The following CSMD1 variants were observed in gnomAD, a reference collection of about 807,000 sequenced individuals.
CSMD1 encodes CUB and sushi domain-containing protein 1.
CSMD1 carries 213 observed loss-of-function variants against 417.5 expected under a neutral mutation model. The observed-to-expected ratio is 0.51, with a 90% CI of 0.46 to 0.57. CSMD1 has a LOEUF of 0.57. CSMD1 is among the 20% of genes least tolerant of loss of function. The pLI, the probability that CSMD1 is intolerant of heterozygous loss-of-function variation, is 0.00. For missense variants in CSMD1, 6,923 were observed against 4,529.7 expected (o/e 1.53, Z -15.17); for synonymous variants, 2,862 against 1,736.8 (o/e 1.65, Z -16.11).
At chr8:3,976,177 G>C (rs183451537) in intron 5 of CSMD1, among the ~76,000 whole-genome samples, 32 of 151,786 alleles carry the variant, frequency 2.1e-4, no homozygotes, top group African/African-American at 5.6e-4. Flanking sequence ...TCAAATACGA[G>C]ATAACTTATG....
chr8:3,655,453 C>T (rs531582616), intron 7 of CSMD1, among the ~76,000 whole-genome samples: 1 of 152,154 alleles, frequency 6.6e-6, no homozygotes, highest in Admixed American at 6.5e-5. Flanking sequence ...CATTACTCTA[C>T]ATAATTATAA....
intron 46 of CSMD1, among the ~76,000 whole-genome samples, chr8:3,100,453 T>C (rs1384972265): frequency 6.6e-6 from 1 of 152,188 alleles, no homozygotes; most frequent in Non-Finnish European, 1.5e-5. Flanking sequence ...CAATACTCAG[T>C]TGGAGTGGGA....
At chr8:4,188,806 TG>T (rs33935835) in intron 3 of CSMD1, among the ~76,000 whole-genome samples, 127,389 of 151,394 alleles carry the variant, frequency 0.84, 53,707 homozygotes, top group South Asian at 0.9. Flanking sequence ...ATGAATATTA[TG>T]GGGGAGGATG....
chr8:3,174,964 T>C (rs551439246), intron 37 of CSMD1, among the ~76,000 whole-genome samples: 1 of 152,330 alleles, frequency 6.6e-6, no homozygotes, highest in East Asian at 1.9e-4. Context: ...TTTTTCACTA[T>C]ATAGCTAACT....
At chr8:3,758,013 G>C (rs113515036) in intron 5 of CSMD1, among the ~76,000 whole-genome samples, 6,412 of 152,016 alleles carry the variant, frequency 0.042, 171 homozygotes, top group African/African-American at 0.063. Flanking sequence ...ACCCAGGCTG[G>C]ACTGCACTGG....
At chr8:3,819,775 G>A (rs1375182795) in intron 5 of CSMD1, among the ~76,000 whole-genome samples, 2 of 152,186 alleles carry the variant, frequency 1.3e-5, no homozygotes, top group Admixed American at 6.5e-5. Context: ...ATTATATAGA[G>A]ATGTAAGCAA....
intron 5 of CSMD1, among the ~76,000 whole-genome samples, chr8:3,962,158 T>C (rs940883363): frequency 6.6e-6 from 1 of 152,122 alleles, no homozygotes; most frequent in Non-Finnish European, 1.5e-5. Flanking sequence ...ACCTACTTCA[T>C]AGACCTGCTC....
intron 6 of CSMD1, among the ~76,000 whole-genome samples, chr8:3,725,388 C>T (rs1284086151): frequency 6.6e-6 from 1 of 152,172 alleles, no homozygotes; most frequent in African/African-American, 2.4e-5. Context: ...CCAGGATAGA[C>T]ATCACTTGAA....
At chr8:3,215,471 C>T (rs1466528678) in intron 29 of CSMD1, among the ~76,000 whole-genome samples, 1 of 152,110 alleles carries the variant, frequency 6.6e-6, no homozygotes, top group East Asian at 1.9e-4. Context: ...GACACCTCTG[C>T]CAGGAAAGGA....
intron 3 of CSMD1, among the ~76,000 whole-genome samples, chr8:4,325,749 A>G (rs746302336): frequency 1.3e-5 from 2 of 152,136 alleles, no homozygotes; most frequent in African/African-American, 2.4e-5. Context: ...CGTGAATGTT[A>G]TTCCTGTTGC....
At chr8:3,878,993 TAATA>T (rs1207863952) in intron 5 of CSMD1, among the ~76,000 whole-genome samples, 1 of 152,176 alleles carries the variant, frequency 6.6e-6, no homozygotes, top group African/African-American at 2.4e-5. Flanking sequence ...AAGCAAAAAA[TAATA>T]TATTAGTACT....
intron 3 of CSMD1, among the ~76,000 whole-genome samples, chr8:4,040,808 A>C (rs1402970835): frequency 6.6e-6 from 1 of 152,152 alleles, no homozygotes; most frequent in Non-Finnish European, 1.5e-5. Context: ...AAAGATTTTT[A>C]ATAGCACGTG....
chr8:3,135,359 A>G (rs1050247994), intron 41 of CSMD1, among the ~76,000 whole-genome samples: 3 of 152,230 alleles, frequency 2.0e-5, no homozygotes, highest in African/African-American at 7.2e-5. Flanking sequence ...TGGCATATGT[A>G]TTATGTTGTT....
chr8:4,466,819 A>C (rs1800200792), intron 2 of CSMD1, among the ~76,000 whole-genome samples: 1 of 152,152 alleles, frequency 6.6e-6, no homozygotes, highest in Non-Finnish European at 1.5e-5. Flanking sequence ...GCCATTTAAA[A>C]TTTAAATTCA....
chr8:3,911,073 C>A (rs117317768), intron 5 of CSMD1, among the ~76,000 whole-genome samples: 3 of 152,076 alleles, frequency 2.0e-5, no homozygotes, highest in Admixed American at 6.6e-5. Flanking sequence ...TGGAGATGAC[C>A]AGAAAATTCT....
At chr8:3,078,593 T>C (rs1021600271) in intron 49 of CSMD1, among the ~76,000 whole-genome samples, 1 of 152,224 alleles carries the variant, frequency 6.6e-6, no homozygotes, top group Admixed American at 6.5e-5. Context: ...CCTGTTTTTA[T>C]ACACAAGCTA....
chr8:4,050,515 T>C (rs1418802130), intron 3 of CSMD1, among the ~76,000 whole-genome samples: 1 of 152,166 alleles, frequency 6.6e-6, no homozygotes, highest in African/African-American at 2.4e-5. Flanking sequence ...GTATGTATCA[T>C]CCTGGAGGGG....
At chr8:4,075,033 C>G (rs1427536022) in intron 3 of CSMD1, among the ~76,000 whole-genome samples, 1 of 151,978 alleles carries the variant, frequency 6.6e-6, no homozygotes, top group African/African-American at 2.4e-5. Flanking sequence ...TGTAATAACC[C>G]CAGTATGAAT....
chr8:4,486,182 T>TAC lies in CSMD1; in HGVS notation c.303-66118_303-66117insGT, dbSNP rs1161473224. ...ACATACATATATATATATACATACA[T>TAC]ATATATATATATATATACATACATA... is the stretch of plus-strand genomic sequence containing the variant. On this transcript the variant is annotated intron_variant, in intron 2 of 69. Transcript: ENST00000635120. 1.5e-3 allele frequency among the ~76,000 whole-genome samples: 17 copies of TAC among 11,506 alleles called. 1 individual carries two copies. Among genetic ancestry groups the TAC allele is most frequent in the African/African-American group, 4.4e-3 (14 of 3,148 alleles). The allele number at this position is 11,506 out of a possible 152,430, so 7.5% of individuals were successfully genotyped here.
Sources: gnomAD v4.1 joint callset for allele counts (sites outside exome capture counted in the v4.1 genomes callset) on GRCh38, gnomAD v4.1.1 for gene constraint, MANE v1.5 for transcripts, NCBI Gene and HGNC (gene_info 2026-07-23, HGNC 2026-07-21) for gene names.